MAX: variants seen among roughly 807,000 people sequenced by gnomAD.
MAX encodes the protein MYC associated transcriptional regulator X, also known as protein max.
A neutral mutation model predicts 22.3 loss-of-function variants in MAX; 3 were observed. That is an observed-to-expected ratio of 0.13 (90% CI 0.06 to 0.35). MAX has a LOEUF of 0.35. Ranked by LOEUF, MAX falls within the 10% of genes least tolerant of loss-of-function variation. The pLI is 1.00. For synonymous variants in MAX, 72 were observed against 77.7 expected (o/e 0.93, Z 0.39); for missense variants, 119 against 209.4 (o/e 0.57, Z 2.66).
At chr14:65,053,417 C>G in intron 3 of MAX, 1 of 1,241,782 alleles carries the variant, frequency 8.1e-7, no homozygotes. Context: ...GCACCTCAGG[C>G]CTACTCAGAG....
chr14:65,086,802 TAATGAGAAGCCG>T (rs2139819430), intron 3 of MAX, among the ~76,000 whole-genome samples: 1 of 152,350 alleles, frequency 6.6e-6, no homozygotes, highest in South Asian at 2.1e-4. Context: ...TTTGCATAAG[TAATGAGAAGCCG>T]AATGTTAATC....
chr14:65,022,235 C>T (rs1203917775), intron 3 of MAX: 4 of 356,190 alleles, frequency 1.1e-5, no homozygotes, highest in Non-Finnish European at 2.2e-5. Context: ...CTAAGCCGTT[C>T]TGCCCATGGA....
intron 3 of MAX, among the ~76,000 whole-genome samples, chr14:65,060,697 C>CAAAAAAAAAAAAAAAAAAA (rs59036615): frequency 2.1e-5 from 1 of 48,632 alleles, no homozygotes; most frequent in Non-Finnish European, 3.2e-5. Context: ...GACTCCGTCT[C>CAAAAAAAAAAAAAAAAAAA]AAAAAAAAAA....
intron 3 of MAX, among the ~76,000 whole-genome samples, chr14:65,017,965 A>G (rs1010468489): frequency 6.6e-6 from 1 of 152,208 alleles, no homozygotes; most frequent in Admixed American, 6.5e-5. Flanking sequence ...AAAAAAATAA[A>G]TAAATAAAAT....
chr14:65,022,560 T>TCTCGCTGTATTGC (rs1358961371), intron 3 of MAX, among the ~76,000 whole-genome samples: 1 of 152,152 alleles, frequency 6.6e-6, no homozygotes, highest in African/African-American at 2.4e-5. Flanking sequence ...AGAGATAAGG[T>TCTCGCTGTATTGC]CTCGCTGTAT....
Position 65,079,531 on chromosome 14 carries a change from A to G in MAX, c.172-1495T>C, listed in dbSNP as rs1210080686. Among the ~76,000 whole-genome samples the G allele has an allele frequency of 6.6e-6, 1 of 152,274 alleles. No individual in the cohort carries two copies. The highest frequency in any genetic ancestry group is 2.4e-5 in the African/African-American group (1 of 41,482). ...AAACTGGTAGAATAGTACAAAGCCAAGCGAAGCTCAAGGCGGGGTAGCCTA... is the reference window on the plus strand; with the variant it reads ...AAACTGGTAGAATAGTACAAAGCCAGGCGAAGCTCAAGGCGGGGTAGCCTA... On this transcript the variant is annotated intron_variant, in intron 3 of 4. Transcript: ENST00000358664. The surrounding 1 kb of genome is among the most constrained non-coding windows in gnomAD (Gnocchi z 4.5).
At chr14:65,022,379 T>C (rs1228759395) in intron 3 of MAX, among the ~76,000 whole-genome samples, 1 of 152,132 alleles carries the variant, frequency 6.6e-6, no homozygotes, top group Admixed American at 6.5e-5. Context: ...TAGCCTAGTC[T>C]AGTGCTGAAG....
At chr14:65,043,483 C>G (rs974855583) in intron 3 of MAX, among the ~76,000 whole-genome samples, 1 of 152,124 alleles carries the variant, frequency 6.6e-6, no homozygotes, top group Non-Finnish European at 1.5e-5. Flanking sequence ...GTAAATTTCC[C>G]CAGGTGCCAA....
At chr14:65,059,041 G>C (rs1247983368) in intron 3 of MAX, among the ~76,000 whole-genome samples, 1 of 151,766 alleles carries the variant, frequency 6.6e-6, no homozygotes, top group African/African-American at 2.4e-5. Context: ...TTCTTTTTCA[G>C]AGACATGATC....
At chr14:65,087,900 G>C (rs547318373) in intron 3 of MAX, among the ~76,000 whole-genome samples, 3 of 152,168 alleles carry the variant, frequency 2.0e-5, no homozygotes, top group Admixed American at 2.0e-4. Flanking sequence ...GCAGGAACTC[G>C]GTGGGAGGTA....
rs895893120 is a variant in MAX, at chr14:65,084,776, T to C, written c.172-6740A>G. Among the ~76,000 whole-genome samples, 1 of 152,230 alleles carries C rather than the reference T, an allele frequency of 6.6e-6. No individual in the cohort carries two copies. The highest frequency in any genetic ancestry group is 2.4e-5 in the African/African-American group (1 of 41,454). On this transcript the variant is annotated intron_variant, in intron 3 of 4. Transcript: ENST00000358664. This position sits in a 1 kb window ranked among gnomAD's most constrained non-coding sequence, Gnocchi z 4.3. ...AAGCAGCAAGCTATAAATAGTACTT[T>C]CCCTGTGGGGAGCATGTAGATGAAG...
At chr14:65,024,610 AAATT>A (rs753968038) in intron 3 of MAX, among the ~76,000 whole-genome samples, 38 of 152,320 alleles carry the variant, frequency 2.5e-4, no homozygotes, top group Admixed American at 7.8e-4. Flanking sequence ...ACGTTAAAGA[AAATT>A]GATGTATTGC....
intron 3 of MAX, among the ~76,000 whole-genome samples, chr14:65,085,592 A>T (rs2063309185): frequency 6.6e-6 from 1 of 152,198 alleles, no homozygotes; most frequent in Non-Finnish European, 1.5e-5. Context: ...TAATTAGGTG[A>T]TAAGTTAATC....
rs1477798116 is a variant in MAX at position 65,061,478 on chromosome 14, A to G, written c.171+32230T>C. On this transcript the variant is annotated intron_variant, in intron 3 of 3. Transcript: ENST00000341653. ...ACAAAACCAATGGCTCTGGGTTTGGAGAACACAGTGGCTGGTTTTAAAAAT... is the reference window on the plus strand; with the variant it reads ...ACAAAACCAATGGCTCTGGGTTTGGGGAACACAGTGGCTGGTTTTAAAAAT... The G allele has an allele frequency of 4.1e-6, 5 of 1,217,718 alleles. No individual in the cohort carries two copies. The African/African-American group carries it at 6.1e-5, about 15-fold the overall frequency. 75.4% of individuals were successfully genotyped at this position (1,217,718 alleles called of 1,614,324 possible).
chr14:65,043,779 G>A (rs529449870), intron 3 of MAX, among the ~76,000 whole-genome samples: 81 of 130,392 alleles, frequency 6.2e-4, no homozygotes, highest in East Asian at 3.1e-3. Context: ...CCGAGATTGC[G>A]CCACTGCAGT....
intron 3 of MAX, among the ~76,000 whole-genome samples, chr14:65,017,826 A>G (rs936245971): frequency 1.8e-4 from 28 of 152,108 alleles, no homozygotes; most frequent in African/African-American, 6.5e-4. Flanking sequence ...ATGGTGGTGC[A>G]TGCCTGTCAT....
rs2062697727 is a variant in MAX at position 65,054,942 on chromosome 14, G to A, written c.171+38766C>T. ...GTTGTGCCTTTATCCCAGGGCTGAGGACCTAGCCCACTGCTGGTATTAGCT... is the reference window on the plus strand; with the variant it reads ...GTTGTGCCTTTATCCCAGGGCTGAGAACCTAGCCCACTGCTGGTATTAGCT... On this transcript the variant is annotated intron_variant, in intron 3 of 3. Coordinates refer to the MAX transcript ENST00000341653. This position sits in a 1 kb window ranked among gnomAD's most constrained non-coding sequence, Gnocchi z 4.4. Among the ~76,000 whole-genome samples, 1 of 152,206 alleles carries A rather than the reference G, an allele frequency of 6.6e-6. No individual in the cohort carries two copies. Among genetic ancestry groups the A allele is most frequent in the Non-Finnish European group, 1.5e-5 (1 of 68,036 alleles).
At position 65,030,139 on chromosome 14, in the gene MAX, T is replaced by C. The variant is rs572020889; in HGVS notation, c.172-23855A>G. Among the ~76,000 whole-genome samples the C allele has an allele frequency of 1.1e-4, 17 of 152,250 alleles. No homozygotes were observed. Among genetic ancestry groups the C allele is most frequent in the Non-Finnish European group, 1.6e-4 (11 of 68,050 alleles). On this transcript the variant is annotated intron_variant, in intron 3 of 3. Transcript: ENST00000341653. This position sits in a 1 kb window ranked among gnomAD's most constrained non-coding sequence, Gnocchi z 4.5. Reference sequence around the variant, plus strand: ...CACTTGTGAGAGGCAAACTGTATTATAGGTCGCCTCCTACCTCACAAGTCA... The same window carrying C: ...CACTTGTGAGAGGCAAACTGTATTACAGGTCGCCTCCTACCTCACAAGTCA...
At chr14:65,015,558 A>G (rs754162564) in intron 3 of MAX, 13 of 1,564,782 alleles carry the variant, frequency 8.3e-6, no homozygotes, top group Non-Finnish European at 1.1e-5. Context: ...AGACAGATAC[A>G]GCCTTGGCAG....
Sources: allele counts gnomAD v4.1 joint callset (sites outside exome capture counted in the v4.1 genomes callset), GRCh38; gene constraint gnomAD v4.1.1; non-coding constraint Gnocchi (gnomAD v3.1); transcripts MANE v1.5; gene names NCBI Gene and HGNC (gene_info 2026-07-23, HGNC 2026-07-21).